The following TRAF6 variants were observed in gnomAD, a reference collection of about 807,000 sequenced individuals.
The protein encoded by TRAF6 is TNF receptor associated factor 6.
Under a neutral mutation model 48.4 loss-of-function variants are expected in TRAF6, and 10 were observed. The observed-to-expected ratio is 0.21, with a 90% confidence interval of 0.13 to 0.35. The LOEUF is 0.35. Among genes scored for constraint, TRAF6 ranks in the 10% least tolerant of loss-of-function variants. TRAF6 has a pLI of 1.00. For synonymous variants in TRAF6, 186 were observed against 219.6 expected (o/e 0.85, Z 1.35); for missense variants, 397 against 661.0 (o/e 0.60, Z 4.38).
rs1195604257 is a variant in TRAF6, at chr11:36,501,541, T to C, written c.-22-4A>G. 2 of 1,555,470 alleles carry C rather than the reference T, an allele frequency of 1.3e-6. No homozygotes were observed. The highest frequency in any genetic ancestry group is 1.7e-6 in the Non-Finnish European group (2 of 1,150,078). ...AGTAACTTGATTATCACTTGCTCTGTAGAAATAGCAAGAAAAAAATGCCTT... is the reference window on the plus strand; with the variant it reads ...AGTAACTTGATTATCACTTGCTCTGCAGAAATAGCAAGAAAAAAATGCCTT... On this transcript the variant is annotated splice_polypyrimidine_tract_variant and splice_region_variant and intron_variant, in intron 1 of 6. Coordinates refer to ENST00000526995, the MANE Select transcript of TRAF6 (RefSeq NM_004620.4).
chr11:36,494,827 T>C (rs1189122015), intron 5 of TRAF6, 149 bp downstream of exon 5: 3 of 419,478 alleles, frequency 7.2e-6, no homozygotes, highest in South Asian at 5.2e-5. Flanking sequence ...TTATTACTTA[T>C]ATTAATTTAT....
At chr11:36,501,189 T>C (rs754077951) in intron 2 of TRAF6, 31 bp downstream of exon 2, 95 of 1,525,980 alleles carry the variant, frequency 6.2e-5, no homozygotes, top group East Asian at 9.5e-5. Flanking sequence ...GGTTCTGTTA[T>C]AGGACACCAT....
intron 4 of TRAF6, chr11:36,496,414 C>A (rs2133670463): frequency 6.6e-6 from 1 of 152,132 alleles, no homozygotes. Flanking sequence ...CTCGTCTCTA[C>A]TAAAAATACA....
chr11:36,509,852 G>A (rs143562919), intron 1 of TRAF6, among the ~76,000 whole-genome samples, 196 bp downstream of exon 1: 4 of 151,894 alleles, frequency 2.6e-5, no homozygotes, highest in African/African-American at 9.7e-5. Flanking sequence ...CGACCCGTGG[G>A]AAGCAAGCGG....
In TRAF6 at chr11:36,486,636, T is replaced by G. The variant is rs1021358056; in HGVS notation, c.*3202A>C. Among the ~76,000 whole-genome samples the G allele has an allele frequency of 5.3e-5, 8 of 152,178 alleles. No homozygotes were observed. Among genetic ancestry groups the G allele is most frequent in the African/African-American group, 1.9e-4 (8 of 41,406 alleles). ...CTGCCTTCATTCTGTTTCACTTTTT[T>G]CTACTATTTATCCCCAAAATAAAAG... On this transcript the variant is annotated 3_prime_UTR_variant, in exon 7 of 7. Coordinates refer to ENST00000526995, the MANE Select transcript of TRAF6 (RefSeq NM_004620.4).
intron 2 of TRAF6, 54 bp from the exon 3 acceptor site, chr11:36,498,694 C>A (rs1859673219): frequency 3.9e-6 from 6 of 1,521,198 alleles, no homozygotes; most frequent in Middle Eastern, 1.8e-4. Context: ...TTAGAAAATC[C>A]AAACAACTTT....
rs1859456290 is a variant in TRAF6, at chr11:36,484,641, T to TA, written c.*5196_*5197insT. Among the ~76,000 whole-genome samples, 1 of 60,878 alleles carries TA rather than the reference T, an allele frequency of 1.6e-5. No homozygotes were observed. Among genetic ancestry groups the TA allele is most frequent in the Non-Finnish European group, 5.2e-5 (1 of 19,050 alleles). 39.9% of individuals were successfully genotyped at this position (60,878 alleles called of 152,430 possible). ...GAAAAGGACACGAAGACAAAACTGA[T>TA]TGACCCATGGTCAGTCAGGAGAAAA... On this transcript the variant is annotated 3_prime_UTR_variant, in exon 7 of 7. Coordinates refer to ENST00000526995, the MANE Select transcript of TRAF6 (RefSeq NM_004620.4).
In TRAF6 at chr11:36,484,705, T is replaced by G. The variant is rs570974257; in HGVS notation, c.*5133A>C. Among the ~76,000 whole-genome samples the G allele has an allele frequency of 1.3e-5, 2 of 152,342 alleles. No homozygotes were observed. Among genetic ancestry groups the G allele is most frequent in the East Asian group, 3.9e-4 (2 of 5,188 alleles). On this transcript the variant is annotated 3_prime_UTR_variant, in exon 7 of 7. Coordinates refer to ENST00000526995, the MANE Select transcript of TRAF6 (RefSeq NM_004620.4). Reference sequence around the variant, plus strand: ...CTAATTTAGTGACCTATATGCTAAATTACACCTTTTCATCCCTCTGAGAAC... The same window carrying G: ...CTAATTTAGTGACCTATATGCTAAAGTACACCTTTTCATCCCTCTGAGAAC...
At chr11:36,504,500 A>G (rs5030426) in intron 1 of TRAF6, among the ~76,000 whole-genome samples, 7 of 152,196 alleles carry the variant, frequency 4.6e-5, no homozygotes, top group African/African-American at 1.7e-4. Context: ...TTCAGACTCC[A>G]CTTCTAATTC....
chr11:36,490,622 A>T lies in TRAF6; in HGVS notation c.785T>A (p.Leu262Gln), dbSNP rs759228997. 6.2e-7 allele frequency: 1 copy of T among 1,611,442 alleles called. No homozygotes were observed. The highest frequency in any genetic ancestry group is 8.5e-7 in the Non-Finnish European group (1 of 1,177,808). Reference protein sequence around the residue: ...KMQRNHLARHLQENTQSHMRM... With the variant: ...KMQRNHLARHQQENTQSHMRM... ...CATGTGTGACTGGGTGTTCTCTTGT[A>T]GGTGGCGTGCCAAGTGATTCCTCTG... Residue 262 changes from leucine (L) to glutamine (Q), a missense_variant, in exon 7 of 7, where the codon CTA becomes CAA. Physicochemically the swap from Leu to Gln is moderately radical, Grantham distance 113. Around this residue, in one of 4 missense-constraint regions of TRAF6, gnomAD observed 245 missense variants for 349.1 expected, o/e 0.70. Coordinates refer to ENST00000526995, the MANE Select transcript of TRAF6 (RefSeq NM_004620.4). The surrounding 1 kb of genome is among the most constrained non-coding windows in gnomAD (Gnocchi z 6.4).
At chr11:36,506,983 A>C (rs577697963) in intron 1 of TRAF6, among the ~76,000 whole-genome samples, 1 of 152,048 alleles carries the variant, frequency 6.6e-6, no homozygotes, top group African/African-American at 2.4e-5. Flanking sequence ...CTTTAGTTTT[A>C]AGAACTGCAA....
rs772815686 is a variant in TRAF6 at position 36,501,480 on chromosome 11, G to A, written c.36C>T (p.Ser12=). 11 of 1,612,188 alleles carry A rather than the reference G, an allele frequency of 6.8e-6. No individual in the cohort carries two copies. The South Asian group carries it at 9.9e-5, about 14-fold the overall frequency. Residue 12 remains serine, a synonymous_variant, in exon 2 of 7, where the codon TCC becomes TCT. Transcript: ENST00000526995. The part of the protein sequence containing the change: ...SLLNCENSCG[S]SQSESDCCVA... ...CACAGCAGTCACTTTCAGACTGGCTGGATCCACAGCTGTTTTCACAGTTTA... is the reference window on the plus strand; with the variant it reads ...CACAGCAGTCACTTTCAGACTGGCTAGATCCACAGCTGTTTTCACAGTTTA...
chr11:36,497,810 G>A (rs1564967151), intron 3 of TRAF6, among the ~76,000 whole-genome samples: 2 of 151,210 alleles, frequency 1.3e-5, no homozygotes, highest in South Asian at 4.2e-4. Flanking sequence ...AGGATACTGA[G>A]ATGATTACTT....
Position 36,486,391 on chromosome 11 carries a change from C to T in TRAF6, c.*3447G>A, listed in dbSNP as rs1051495046. Among the ~76,000 whole-genome samples the T allele has an allele frequency of 2.6e-5, 4 of 152,066 alleles. No individual in the cohort carries two copies. Among genetic ancestry groups the T allele is most frequent in the African/African-American group, 9.7e-5 (4 of 41,366 alleles). ...TAGAACTTGAGGCAAGCCAAGAGAA[C>T]AGTGTTAGTACATACAAGCAATTGT... On this transcript the variant is annotated 3_prime_UTR_variant, in exon 7 of 7. Coordinates refer to ENST00000526995, the MANE Select transcript of TRAF6 (RefSeq NM_004620.4).
Position 36,492,624 on chromosome 11 carries a change from G to C in TRAF6, c.683C>G (p.Pro228Arg). Residue 228 changes from proline to arginine, a missense_variant, in exon 6 of 7, where the codon CCT becomes CGT. Coordinates refer to ENST00000526995, the MANE Select transcript of TRAF6 (RefSeq NM_004620.4). ...CNTILIREQM[P>R]NHYDLDCPTA... ...AGGGCAGTCTAGATCATAATGATTA[G>C]GCATCTGAAATCCAAAACAAAGGCT... 1 of 1,606,676 alleles carries C rather than the reference G, an allele frequency of 6.2e-7. No individual in the cohort carries two copies. Among genetic ancestry groups the C allele is most frequent in the Non-Finnish European group, 8.5e-7 (1 of 1,177,820 alleles).
rs375202151 is a variant in TRAF6 at position 36,483,861 on chromosome 11, AG to A, written c.*5976del. Among the ~76,000 whole-genome samples the A allele has an allele frequency of 6.6e-5, 10 of 152,264 alleles. No individual in the cohort carries two copies. Among genetic ancestry groups the A allele is most frequent in the African/African-American group, 2.2e-4 (9 of 41,554 alleles). On this transcript the variant is annotated 3_prime_UTR_variant, in exon 7 of 7. Transcript: ENST00000526995. Reference sequence around the variant, plus strand: ...TGGTAAGGAAGTAGTAACAGTGCGGAGGGGGTAAGTATGTCAGTCTGGCATG... The same window carrying A: ...TGGTAAGGAAGTAGTAACAGTGCGGAGGGGTAAGTATGTCAGTCTGGCATG...
Position 36,498,495 on chromosome 11 carries a change from G to A in TRAF6, c.442C>T (p.Leu148Phe). The change falls in exon 3 of 7, where the codon CTT becomes TTT. Residue 148 changes from leucine (L) to phenylalanine (F), a missense_variant. By Grantham distance (22) the Leu-to-Phe change is conservative. Around this residue, in one of 4 missense-constraint regions of TRAF6, gnomAD observed 245 missense variants for 349.1 expected, o/e 0.70. Coordinates refer to ENST00000526995, the MANE Select transcript of TRAF6 (RefSeq NM_004620.4). ...CTAGAAAAGAACTTTAATACCTCAA[G>A]ATGTCTCAGTTCCATCTTGTGCAAA... The part of the protein sequence containing the change: ...GCLHKMELRH[L>F]EDHQAHCEFA... 1 of 1,607,546 alleles carries A rather than the reference G, an allele frequency of 6.2e-7. No individual in the cohort carries two copies. Among genetic ancestry groups the A allele is most frequent in the Non-Finnish European group, 8.5e-7 (1 of 1,178,722 alleles).
chr11:36,501,490 CT>C lies in TRAF6; in HGVS notation c.25del (p.Ser9AlafsTer22), dbSNP rs1384613075. The C allele has an allele frequency of 6.2e-7, 1 of 1,610,264 alleles. No individual in the cohort carries two copies. The highest frequency in any genetic ancestry group is 1.3e-5 in the African/African-American group (1 of 74,982). Reference protein sequence around the residue: MSLLNCENSCGSSQSESDC... With the variant: MSLLNCENXCGSSQSESDC... ...ACTTTCAGACTGGCTGGATCCACAG[CT>C]GTTTTCACAGTTTAGCAGACTCATA... On this transcript the variant is annotated frameshift_variant, in exon 2 of 7. Coordinates refer to ENST00000526995, the MANE Select transcript of TRAF6 (RefSeq NM_004620.4). LOFTEE classifies it high-confidence loss of function.
In TRAF6 at chr11:36,510,231, C is replaced by T. The variant is rs1251033461; in HGVS notation, c.-206G>A. ...CCACCTTCGCTGGCCGCCCGCAGGC[C>T]AAGCCCCAGCTGCGGACGCCACTGC... is the stretch of plus-strand genomic sequence containing the variant. On this transcript the variant is annotated 5_prime_UTR_variant, in exon 1 of 7. Coordinates refer to ENST00000526995, the MANE Select transcript of TRAF6 (RefSeq NM_004620.4). 1 of 152,338 alleles carries T rather than the reference C, an allele frequency of 6.6e-6. No individual in the cohort carries two copies. Among genetic ancestry groups the T allele is most frequent in the Admixed American group, 6.5e-5 (1 of 15,278 alleles). 9.4% of individuals were successfully genotyped at this position (152,338 alleles called of 1,614,324 possible). A position where few individuals can be genotyped will look rare whatever the true frequency, so the allele number is the denominator to read the frequency against.
Sources: allele counts gnomAD v4.1 joint callset (sites outside exome capture counted in the v4.1 genomes callset), GRCh38; gene constraint gnomAD v4.1.1; regional missense constraint gnomAD v4.1.1; non-coding constraint Gnocchi (gnomAD v3.1); transcripts MANE v1.5; gene names NCBI Gene and HGNC (gene_info 2026-07-23, HGNC 2026-07-21).